The following DNAJB13 variants were observed in gnomAD, a reference collection of about 807,000 sequenced individuals.
DNAJB13 encodes the protein DnaJ heat shock protein family (Hsp40) member B13.
In DNAJB13, 22 loss-of-function variants were observed where a neutral mutation model predicts 35.6. That is an observed-to-expected ratio of 0.62 (90% confidence interval 0.44 to 0.88). The LOEUF is 0.88. DNAJB13 is among the 40% of genes least tolerant of loss of function. DNAJB13 has a pLI of 0.00. For synonymous variants in DNAJB13, 136 were observed against 144.2 expected (o/e 0.94, Z 0.41); for missense variants, 370 against 384.3 (o/e 0.96, Z 0.31).
chr11:73,961,248 C>A (rs1004141023), intron 3 of DNAJB13, among the ~76,000 whole-genome samples: 5 of 152,018 alleles, frequency 3.3e-5, no homozygotes, highest in Admixed American at 6.6e-5. Context: ...CCACTGCACT[C>A]CAGCCTGGGT....
chr11:73,968,429 T>A lies in DNAJB13; in HGVS notation c.691T>A (p.Phe231Ile). Residue 231 changes from phenylalanine (F) to isoleucine (I), a missense_variant, in exon 6 of 8, where the codon TTC becomes ATC. Coordinates refer to ENST00000339764, the MANE Select transcript of DNAJB13 (RefSeq NM_153614.4). ...PRFRRENDNL[F>I]FVNPIPLGKA... is the part of the protein sequence containing the mutation. ...CTTCCGCAGGGAGAATGACAACCTC[T>A]TCTTCGTGAACCCCATCCCTCTTGG... 6.2e-7 allele frequency: 1 copy of A among 1,614,086 alleles called. No individual in the cohort carries two copies. The highest frequency in any genetic ancestry group is 8.5e-7 in the Non-Finnish European group (1 of 1,179,968).
At chr11:73,963,434 A>T (rs1950989994) in intron 3 of DNAJB13, among the ~76,000 whole-genome samples, 1 of 152,090 alleles carries the variant, frequency 6.6e-6, no homozygotes, top group African/African-American at 2.4e-5. Context: ...TACCTGTCTC[A>T]GTTCAAAGGA....
At chr11:73,969,392 C>A in intron 7 of DNAJB13, 70 bp downstream of exon 7, 1 of 836,980 alleles carries the variant, frequency 1.2e-6, no homozygotes. Context: ...GGTAGTGTGA[C>A]AGGTCTGCCC....
Position 73,968,382 on chromosome 11 carries a change from T to C in DNAJB13, c.644T>C (p.Val215Ala). 1.2e-6 allele frequency: 2 copies of C among 1,614,148 alleles called. No individual in the cohort carries two copies. Among genetic ancestry groups the C allele is most frequent in the Non-Finnish European group, 1.7e-6 (2 of 1,180,030 alleles). Residue 215 changes from valine to alanine, a missense_variant, in exon 6 of 8, where the codon GTA (valine) becomes GCA (alanine). By Grantham distance (64) the Val-to-Ala change is moderately conservative (BLOSUM62 0). Coordinates refer to ENST00000339764, the MANE Select transcript of DNAJB13 (RefSeq NM_153614.4). ...NIIPADIIFIVKEKLHPRFRR... is the reference protein window; with the variant it reads ...NIIPADIIFIAKEKLHPRFRR... Reference sequence around the variant, plus strand: ...ATCCCAGCAGACATCATTTTCATCGTAAAGGAGAAGCTACACCCTCGCTTC... The same window carrying C: ...ATCCCAGCAGACATCATTTTCATCGCAAAGGAGAAGCTACACCCTCGCTTC...
chr11:73,957,965 C>T (rs937240423), intron 1 of DNAJB13, among the ~76,000 whole-genome samples: 2 of 152,152 alleles, frequency 1.3e-5, no homozygotes, highest in Middle Eastern at 3.2e-3. Flanking sequence ...AGCAGCTCAG[C>T]CAGCCTCTGG....
In DNAJB13 at chr11:73,966,268, C is replaced by G; in HGVS notation, c.606+17C>G. On this transcript the variant is annotated intron_variant, in intron 5 of 7. Transcript: ENST00000339764. ...GGGGACCAGGTGAGGGGGGAAGAAG[C>G]TGACTCAGGTCAGTCACTGAGCTCA... The G allele has an allele frequency of 6.2e-7, 1 of 1,604,482 alleles. No individual in the cohort carries two copies. The highest frequency in any genetic ancestry group is 8.5e-7 in the Non-Finnish European group (1 of 1,174,678).
At chr11:73,969,918 C>T in intron 7 of DNAJB13, 43 bp from the exon 8 acceptor site, 1 of 1,574,606 alleles carries the variant, frequency 6.4e-7, no homozygotes, top group Non-Finnish European at 8.6e-7. Context: ...TGAGGTGCTG[C>T]TCTGGGATGC....
chr11:73,965,010 C>T lies in DNAJB13; in HGVS notation c.467C>T (p.Thr156Ile). ...CTGGAGGACTTATTCTTTGGCTGCACCAAAAAAATTAAGATCTCCAGAAGG... is the reference window on the plus strand; with the variant it reads ...CTGGAGGACTTATTCTTTGGCTGCATCAAAAAAATTAAGATCTCCAGAAGG... ...LSLEDLFFGC[T>I]KKIKISRRVL... Residue 156 changes from threonine (T) to isoleucine (I), a missense_variant, in exon 4 of 8, where the codon ACC becomes ATC. Physicochemically the swap from Thr to Ile is moderately conservative, Grantham distance 89. Transcript: ENST00000339764. 6.3e-7 allele frequency: 1 copy of T among 1,592,618 alleles called. No homozygotes were observed. Among genetic ancestry groups the T allele is most frequent in the Non-Finnish European group, 8.5e-7 (1 of 1,171,986 alleles).
chr11:73,957,354 T>C (rs888459245), intron 1 of DNAJB13, among the ~76,000 whole-genome samples: 1 of 152,316 alleles, frequency 6.6e-6, no homozygotes, highest in South Asian at 2.1e-4. Flanking sequence ...GTTCCTGGCC[T>C]GGGAAAACTG....
At chr11:73,962,542 A>T (rs1950964250) in intron 3 of DNAJB13, among the ~76,000 whole-genome samples, 1 of 151,236 alleles carries the variant, frequency 6.6e-6, no homozygotes, top group Non-Finnish European at 1.5e-5. Flanking sequence ...AGACAAACTG[A>T]CCAAGAGTTG....
chr11:73,963,482 G>T lies in DNAJB13; in HGVS notation c.335-1396G>T, dbSNP rs79756519. Among the ~76,000 whole-genome samples, 381 of 152,286 alleles carry T rather than the reference G, an allele frequency of 2.5e-3. 3 individuals are homozygous for T. The highest frequency in any genetic ancestry group is 8.5e-3 in the African/African-American group (354 of 41,558). On this transcript the variant is annotated intron_variant, in intron 3 of 7. Transcript: ENST00000339764. ...TACAGGGCATCGCTCATTGGGAAAG[G>T]TCAGGCTCAGGGTCTGGGCTTCCTC...
intron 1 of DNAJB13, among the ~76,000 whole-genome samples, chr11:73,954,032 A>AT (rs1565166830): frequency 4.8e-5 from 7 of 145,280 alleles, no homozygotes; most frequent in African/African-American, 1.8e-4. Context: ...AATAATAATA[A>AT]TAATAATAAT....
intron 1 of DNAJB13, among the ~76,000 whole-genome samples, chr11:73,957,457 C>G (rs753979084): frequency 2.6e-5 from 4 of 152,170 alleles, no homozygotes; most frequent in Non-Finnish European, 5.9e-5. Context: ...CCAATCCGCT[C>G]CATCTCTCCC....
intron 3 of DNAJB13, among the ~76,000 whole-genome samples, chr11:73,961,230 AG>A (rs1950924178): frequency 6.6e-6 from 1 of 152,182 alleles, no homozygotes; most frequent in Admixed American, 6.5e-5. Context: ...CAGTGAGCCA[AG>A]ATCGGGCCAC....
At chr11:73,954,585 G>A (rs1447444457) in intron 1 of DNAJB13, among the ~76,000 whole-genome samples, 5 of 149,784 alleles carry the variant, frequency 3.3e-5, no homozygotes, top group African/African-American at 7.4e-5. Context: ...AGCCGAGATC[G>A]CGCCACTGCA....
intron 3 of DNAJB13, chr11:73,964,521 T>G (rs1265984634): frequency 1.1e-5 from 3 of 277,518 alleles, no homozygotes; most frequent in Non-Finnish European, 2.1e-5. Flanking sequence ...AGTGCCTCCC[T>G]TTCCTGAGAC....
intron 3 of DNAJB13, among the ~76,000 whole-genome samples, chr11:73,960,667 T>C (rs927758261): frequency 2.0e-5 from 3 of 152,246 alleles, no homozygotes; most frequent in Non-Finnish European, 4.4e-5. Context: ...GGGAAGCAGC[T>C]ATTAGTAAAC....
At chr11:73,954,000 A>AAATAATAATAAT (rs71467812) in intron 1 of DNAJB13, among the ~76,000 whole-genome samples, 3 of 136,472 alleles carry the variant, frequency 2.2e-5, no homozygotes, top group Non-Finnish European at 3.1e-5. Context: ...AATAATAATA[A>AAATAATAATAAT]AATAATAATA....
Position 73,966,145 on chromosome 11 carries a change from A to T in DNAJB13, c.500A>T (p.Asn167Ile). The T allele has an allele frequency of 6.2e-7, 1 of 1,612,770 alleles. No homozygotes were observed. Among genetic ancestry groups the T allele is most frequent in the Non-Finnish European group, 8.5e-7 (1 of 1,179,594 alleles). The change falls in exon 5 of 8, where the codon AAC becomes ATC. Residue 167 changes from asparagine to isoleucine, a missense_variant. Coordinates refer to ENST00000339764, the MANE Select transcript of DNAJB13 (RefSeq NM_153614.4). The part of the protein sequence containing the change: ...KKIKISRRVL[N>I]EDGYSSTIKD... ...CCTGATATGTTGCTATAGGTGCTGA[A>T]CGAGGATGGGTACTCCTCCACCATC... is the stretch of plus-strand genomic sequence containing the variant.
Sources: allele counts gnomAD v4.1 joint callset (sites outside exome capture counted in the v4.1 genomes callset), GRCh38; gene constraint gnomAD v4.1.1; transcripts MANE v1.5; gene names NCBI Gene and HGNC (gene_info 2026-07-23, HGNC 2026-07-21).